The following ITGA11 variants were observed in gnomAD, a reference collection of about 807,000 sequenced individuals.
ITGA11 encodes the protein integrin alpha-11.
ITGA11 carries 97 observed loss-of-function variants against 141.9 expected under a neutral mutation model. The observed-to-expected ratio is 0.68, with a 90% CI of 0.58 to 0.81. ITGA11 has a LOEUF of 0.81. Among genes scored for constraint, ITGA11 ranks in the 30% least tolerant of loss-of-function variants. ITGA11 has a pLI of 0.00. For synonymous variants in ITGA11, 658 were observed against 624.6 expected (o/e 1.05, Z -0.80); for missense variants, 1,387 against 1,559.2 (o/e 0.89, Z 1.86).
At chr15:68,311,201 T>TGG in intron 25 of ITGA11, 89 bp downstream of exon 25, 1 of 1,256,120 alleles carries the variant, frequency 8.0e-7, no homozygotes, top group Non-Finnish European at 1.1e-6. Context: ...AGAAGGGAGC[T>TGG]GGGGTCTGGG....
At chr15:68,350,590 G>C (rs750903079) in intron 9 of ITGA11, 27 bp downstream of exon 9, 4 of 1,602,402 alleles carry the variant, frequency 2.5e-6, no homozygotes, top group Non-Finnish European at 3.4e-6. Context: ...GGAGAGAGTG[G>C]ATCCCCTCTT....
In ITGA11 at chr15:68,322,777, C is replaced by G. The variant is rs1366465205; in HGVS notation, c.2323-1274G>C. On this transcript the variant is annotated intron_variant, in intron 18 of 29. Coordinates refer to ENST00000315757, the MANE Select transcript of ITGA11 (RefSeq NM_001004439.2). The surrounding 1 kb of genome is among the most constrained non-coding windows in gnomAD (Gnocchi z 5.6). Reference sequence around the variant, plus strand: ...TCGGGAGGCTGAGGCAGGAGAATTGCTTGAACTCAGGCAGAGGCTGCAGTG... The same window carrying G: ...TCGGGAGGCTGAGGCAGGAGAATTGGTTGAACTCAGGCAGAGGCTGCAGTG... 6.6e-6 allele frequency among the ~76,000 whole-genome samples: 1 copy of G among 151,588 alleles called. No individual in the cohort carries two copies. The highest frequency in any genetic ancestry group is 6.6e-5 in the Admixed American group (1 of 15,206).
chr15:68,306,837 T>G (rs561024408), intron 28 of ITGA11, among the ~76,000 whole-genome samples: 1 of 152,252 alleles, frequency 6.6e-6, no homozygotes, highest in Non-Finnish European at 1.5e-5. Flanking sequence ...GTGTGGCCAG[T>G]GGAGGGCAGC....
intron 1 of ITGA11, among the ~76,000 whole-genome samples, chr15:68,420,988 T>G (rs1404444206): frequency 2.0e-5 from 3 of 150,800 alleles, no homozygotes; most frequent in Non-Finnish European, 3.0e-5. Flanking sequence ...GGGAGAAGCA[T>G]GTTGGAGTAA....
At position 68,401,792 on chromosome 15, in the gene ITGA11, C is replaced by T. The variant is rs536930539; in HGVS notation, c.164+1126G>A. On this transcript the variant is annotated intron_variant, in intron 2 of 29. Coordinates refer to ENST00000315757, the MANE Select transcript of ITGA11 (RefSeq NM_001004439.2). ...TACATAGGTGTATATCATGGAAGTTCGTTAAGTTGCACATTCAAAATGCCT... is the reference window on the plus strand; with the variant it reads ...TACATAGGTGTATATCATGGAAGTTTGTTAAGTTGCACATTCAAAATGCCT... Among the ~76,000 whole-genome samples the T allele has an allele frequency of 1.2e-4, 18 of 152,112 alleles. 1 individual carries two copies. In the East Asian group the frequency reaches 2.1e-3, roughly 18 times the overall value.
chr15:68,314,758 A>G lies in ITGA11; in HGVS notation c.2793-890T>C, dbSNP rs528996599. The stretch of plus-strand genomic sequence containing the variant: ...TTGCCACGTGGTGTGTGAGAATTCT[A>G]CCAGGATGCACAATTCATTTAACTG... On this transcript the variant is annotated intron_variant, in intron 22 of 29. Coordinates refer to ENST00000315757, the MANE Select transcript of ITGA11 (RefSeq NM_001004439.2). Among the ~76,000 whole-genome samples, 8 of 152,318 alleles carry G rather than the reference A, an allele frequency of 5.3e-5. No individual in the cohort carries two copies. The South Asian group carries it at 1.7e-3, about 32-fold the overall frequency.
chr15:68,319,656 C>A (rs1893723026), intron 20 of ITGA11, among the ~76,000 whole-genome samples: 1 of 152,232 alleles, frequency 6.6e-6, no homozygotes, highest in South Asian at 2.1e-4. Flanking sequence ...CCGAGCAAGC[C>A]TGCAGGGTGC....
rs781299140 is a variant in ITGA11, at chr15:68,348,816, C to T, written c.1131+14G>A. 1.2e-6 allele frequency: 2 copies of T among 1,602,928 alleles called. No homozygotes were observed. The highest frequency in any genetic ancestry group is 1.7e-6 in the Non-Finnish European group (2 of 1,174,622). ...ACAGAGGCTGGGCTCTGTGCCCGTACCTCCACCACATACCTCCACCACGTG... is the reference window on the plus strand; with the variant it reads ...ACAGAGGCTGGGCTCTGTGCCCGTATCTCCACCACATACCTCCACCACGTG... On this transcript the variant is annotated intron_variant, in intron 10 of 29. Transcript: ENST00000315757.
In ITGA11 at chr15:68,333,093, G is replaced by A. The variant is rs1894228834; in HGVS notation, c.1426-615C>T. Reference sequence around the variant, plus strand: ...ATCATAATGTGTTTAATCAGTTATTGCTGGACGGTTAGCTTTTTTTTTTTG... The same window carrying A: ...ATCATAATGTGTTTAATCAGTTATTACTGGACGGTTAGCTTTTTTTTTTTG... On this transcript the variant is annotated intron_variant, in intron 12 of 29. Coordinates refer to ENST00000315757, the MANE Select transcript of ITGA11 (RefSeq NM_001004439.2). The surrounding 1 kb of genome is among the most constrained non-coding windows in gnomAD (Gnocchi z 4.2). 7.3e-6 allele frequency among the ~76,000 whole-genome samples: 1 copy of A among 136,636 alleles called. No individual in the cohort carries two copies. The highest frequency in any genetic ancestry group is 2.8e-5 in the African/African-American group (1 of 35,810). 89.6% of individuals were successfully genotyped at this position (136,636 alleles called of 152,430 possible).
chr15:68,409,163 G>A (rs149059632), intron 1 of ITGA11, among the ~76,000 whole-genome samples: 3 of 152,234 alleles, frequency 2.0e-5, no homozygotes, highest in African/African-American at 7.2e-5. Flanking sequence ...TTCGTCCTAC[G>A]CTTTCAAGTC....
intron 1 of ITGA11, among the ~76,000 whole-genome samples, chr15:68,408,609 C>G (rs564852757): frequency 6.6e-6 from 1 of 151,996 alleles, no homozygotes; most frequent in Non-Finnish European, 1.5e-5. Flanking sequence ...AGAGAAGGAC[C>G]CTGTGGGCTG....
At chr15:68,415,719 G>GA (rs931517078) in intron 1 of ITGA11, among the ~76,000 whole-genome samples, 1 of 152,194 alleles carries the variant, frequency 6.6e-6, no homozygotes, top group African/African-American at 2.4e-5. Flanking sequence ...TTAAGCATGT[G>GA]AAAAAGAACA....
intron 6 of ITGA11, 28 bp downstream of exon 6, chr15:68,358,430 A>G (rs1895135790): frequency 6.3e-7 from 1 of 1,586,296 alleles, no homozygotes; most frequent in African/African-American, 1.3e-5. Context: ...CCCTGTTCAG[A>G]AGTGGAAAGA....
chr15:68,363,758 C>G (rs921601724), intron 4 of ITGA11, among the ~76,000 whole-genome samples: 1 of 152,146 alleles, frequency 6.6e-6, no homozygotes, highest in African/African-American at 2.4e-5. Context: ...CCCCAAGCAT[C>G]GCCCATACTC....
At position 68,303,924 on chromosome 15, in the gene ITGA11, T is replaced by G; in HGVS notation, c.3382-39A>C. 7.3e-7 allele frequency: 1 copy of G among 1,365,644 alleles called. No individual in the cohort carries two copies. Among genetic ancestry groups the G allele is most frequent in the Non-Finnish European group, 1.0e-6 (1 of 958,132 alleles). 84.6% of individuals were successfully genotyped at this position (1,365,644 alleles called of 1,614,324 possible). A position where few individuals can be genotyped will look rare whatever the true frequency, so the allele number is the denominator to read the frequency against. ...GGGGCCGGGCCAACAGCATTACTCT[T>G]CTGGGGCTGGGGTGGCAGTCTGGGA... On this transcript the variant is annotated intron_variant, in intron 28 of 29. Transcript: ENST00000315757. This position sits in a 1 kb window ranked among gnomAD's most constrained non-coding sequence, Gnocchi z 5.3.
intron 10 of ITGA11, among the ~76,000 whole-genome samples, chr15:68,347,255 A>G (rs1330995785): frequency 1.3e-5 from 2 of 152,160 alleles, no homozygotes; most frequent in Admixed American, 1.3e-4. Flanking sequence ...GAGCTCCTTG[A>G]GGGCAGGGCT....
chr15:68,319,876 A>G (rs1197720016), intron 20 of ITGA11, among the ~76,000 whole-genome samples: 1 of 152,130 alleles, frequency 6.6e-6, no homozygotes, highest in African/African-American at 2.4e-5. Context: ...ACCCCAGAGC[A>G]AATCAGTTAG....
chr15:68,369,392 G>GAGGGGGGGA, intron 2 of ITGA11, 108 bp from the exon 3 acceptor site: 1 of 187,570 alleles, frequency 5.3e-6, no homozygotes, highest in East Asian at 1.6e-4. Context: ...GGGAGGGTGG[G>GAGGGGGGGA]AGGGAACCCT....
Position 68,326,688 on chromosome 15 carries a change from T to C in ITGA11, c.2177A>G (p.Gln726Arg). ...GAAGTTGATCCGCTCACAGAGCTCC[T>C]GGCCGGAGGAGAGCAGTACGGCTCT... The part of the protein sequence containing the change: ...TNRAVLLSSG[Q>R]ELCERINFHV... The change falls in exon 17 of 30, where the codon CAG becomes CGG. Residue 726 changes from glutamine to arginine, a missense_variant. Physicochemically the swap from Gln to Arg is conservative, Grantham distance 43. Transcript: ENST00000315757. This position sits in a 1 kb window ranked among gnomAD's most constrained non-coding sequence, Gnocchi z 6.8. The C allele has an allele frequency of 1.3e-6, 2 of 1,591,158 alleles. No homozygotes were observed. Among genetic ancestry groups the C allele is most frequent in the African/African-American group, 1.3e-5 (1 of 74,416 alleles).
Sources: gnomAD v4.1 joint callset for allele counts (sites outside exome capture counted in the v4.1 genomes callset) on GRCh38, gnomAD v4.1.1 for gene constraint, Gnocchi (gnomAD v3.1) non-coding constraint, MANE v1.5 for transcripts, NCBI Gene and HGNC (gene_info 2026-07-23, HGNC 2026-07-21) for gene names.